NOP9: variants seen among roughly 807,000 people sequenced by gnomAD.
NOP9 encodes NOP9 nucleolar protein.
In NOP9, 50 loss-of-function variants were observed where a neutral mutation model predicts 63.0. The ratio of observed to expected loss-of-function variants is 0.79; its 90% CI spans 0.63 to 1.00. NOP9 has a LOEUF of 1.00. Among genes scored for constraint, NOP9 ranks in the 50% least tolerant of loss-of-function variants. NOP9 has a pLI of 0.00. For missense variants in NOP9, 758 were observed against 803.0 expected (o/e 0.94, Z 0.68); for synonymous variants, 343 against 332.8 (o/e 1.03, Z -0.33).
At chr14:24,283,810 CACTGCTTTA>C in the NOP9 span, among the ~76,000 whole-genome samples, 1 of 152,274 alleles carries the variant, frequency 6.6e-6, no homozygotes, top group East Asian at 1.9e-4. Context: ...AGCCTGCTTT[CACTGCTTTA>C]ACTAACATCT....
At chr14:24,288,096 C>T in the NOP9 span, among the ~76,000 whole-genome samples, 1 of 152,180 alleles carries the variant, frequency 6.6e-6, no homozygotes. Context: ...CTGTGAATAG[C>T]ACTATTCCTT....
chr14:24,271,783 T>C, the NOP9 span: 1 of 152,166 alleles, frequency 6.6e-6, no homozygotes. Flanking sequence ...CAGAGTGCAA[T>C]GTAGTTAGTG....
At chr14:24,302,945 G>A in intron 5 of NOP9, 129 bp from the exon 6 acceptor site, 1 of 1,148,866 alleles carries the variant, frequency 8.7e-7, no homozygotes, top group Non-Finnish European at 1.2e-6. Context: ...CCAAACAAAA[G>A]TCCTGATACT....
the NOP9 span, chr14:24,294,247 C>T: frequency 1.3e-5 from 2 of 152,108 alleles, no homozygotes; most frequent in Non-Finnish European, 2.9e-5. Context: ...GATACACACA[C>T]ATACACACAC....
chr14:24,291,774 G>A, the NOP9 span: 4 of 782,958 alleles, frequency 5.1e-6, no homozygotes, highest in Non-Finnish European at 6.5e-6. Context: ...CCAAAGTATT[G>A]GCAGGTGCCA....
the NOP9 span, among the ~76,000 whole-genome samples, chr14:24,275,544 A>G: frequency 6.6e-6 from 1 of 151,822 alleles, no homozygotes; most frequent in South Asian, 2.1e-4. Flanking sequence ...TTCTTTCTCT[A>G]CTCCTGCTCC....
At chr14:24,292,527 T>C in the NOP9 span, 1 of 1,553,504 alleles carries the variant, frequency 6.4e-7, no homozygotes, top group Non-Finnish European at 8.8e-7. Flanking sequence ...TGTCCATGGA[T>C]GAGGCAGAGG....
At chr14:24,297,099 T>A (rs1350672115), upstream of NOP9, among the ~76,000 whole-genome samples, 1 of 152,258 alleles carries the variant, frequency 6.6e-6, no homozygotes, top group African/African-American at 2.4e-5. Context: ...AATTGCAATG[T>A]AAGTTTTAAT....
chr14:24,302,964 T>A, intron 5 of NOP9, 110 bp from the exon 6 acceptor site: 2 of 1,319,186 alleles, frequency 1.5e-6, no homozygotes, highest in South Asian at 3.1e-5. Flanking sequence ...CTGGCAATGC[T>A]TTTTATGTTT....
chr14:24,297,038 CTGTT>C (rs552912408), upstream of NOP9, among the ~76,000 whole-genome samples: 34 of 152,334 alleles, frequency 2.2e-4, 1 homozygote, highest in East Asian at 4.4e-3. Context: ...CCTCTGGTGT[CTGTT>C]TGAGTAGTTT....
At chr14:24,278,090 T>C in the NOP9 span, among the ~76,000 whole-genome samples, 1 of 152,196 alleles carries the variant, frequency 6.6e-6, no homozygotes, top group Non-Finnish European at 1.5e-5. Context: ...CCTGATTCTT[T>C]ATAACTCTGA....
chr14:24,282,535 C>A, the NOP9 span, among the ~76,000 whole-genome samples: 265 of 152,272 alleles, frequency 1.7e-3, 1 homozygote, highest in African/African-American at 6.1e-3. Flanking sequence ...CACCTTTGCT[C>A]CCTCTTGCTT....
Position 24,304,210 on chromosome 14 carries a change from T to C in NOP9, c.1580T>C (p.Leu527Pro), listed in dbSNP as rs757990848. The part of the protein sequence containing the change: ...LAQSPAGSHV[L>P]DAILTSPSVT... ...CAAAGTCCCGCTGGCTCTCATGTGC[T>C]CGATGCCATCCTGACCAGCCCCTCT... is the stretch of plus-strand genomic sequence containing the variant. The change falls in exon 8 of 10, where the codon CTC becomes CCC. Residue 527 changes from leucine to proline, a missense_variant. Physicochemically the swap from Leu to Pro is moderately conservative, Grantham distance 98. Transcript: ENST00000267425. 1.2e-6 allele frequency: 2 copies of C among 1,614,204 alleles called. No homozygotes were observed. The highest frequency in any genetic ancestry group is 2.2e-5 in the South Asian group (2 of 91,090).
the NOP9 span, among the ~76,000 whole-genome samples, chr14:24,289,699 T>C: frequency 0.94 from 143,853 of 152,358 alleles, 67,984 homozygotes; most frequent in Non-Finnish European, 0.96. Flanking sequence ...AAAAGAAAGC[T>C]TTGATTGGTA....
chr14:24,293,355 CTT>C, the NOP9 span: 1 of 152,822 alleles, frequency 6.5e-6, no homozygotes, highest in Non-Finnish European at 1.5e-5. Flanking sequence ...GGGCAGATCA[CTT>C]GAGCTCAGGA....
the NOP9 span, among the ~76,000 whole-genome samples, chr14:24,275,533 A>G: frequency 2.0e-5 from 3 of 152,134 alleles, no homozygotes; most frequent in Non-Finnish European, 4.4e-5. Flanking sequence ...ACCCCTGCCA[A>G]TTCTTTCTCT....
the NOP9 span, among the ~76,000 whole-genome samples, chr14:24,274,188 A>G: frequency 2.6e-5 from 4 of 152,146 alleles, no homozygotes; most frequent in Non-Finnish European, 4.4e-5. Flanking sequence ...TCATAGGCGC[A>G]ACCAGATACT....
upstream of NOP9, chr14:24,299,792 C>A (rs1351317299): frequency 5.6e-6 from 5 of 891,900 alleles, no homozygotes; most frequent in Admixed American, 6.1e-5. Context: ...GGTGACACAC[C>A]CACCCCGCCC....
the NOP9 span, among the ~76,000 whole-genome samples, chr14:24,283,905 C>T: frequency 6.6e-6 from 1 of 152,268 alleles, no homozygotes; most frequent in East Asian, 1.9e-4. Flanking sequence ...CCTGAGGTGA[C>T]TTCTGCCTCT....
Sources: gnomAD v4.1 joint callset for allele counts (sites outside exome capture counted in the v4.1 genomes callset) on GRCh38, gnomAD v4.1.1 for gene constraint, MANE v1.5 for transcripts, NCBI Gene and HGNC (gene_info 2026-07-23, HGNC 2026-07-21) for gene names.